The following NRDE2 variants were observed in gnomAD, a reference collection of about 807,000 sequenced individuals.
The protein encoded by NRDE2 is nuclear exosome regulator NRDE2.
NRDE2 carries 76 observed loss-of-function variants against 124.2 expected under a neutral mutation model. The ratio of observed to expected loss-of-function variants is 0.61; its 90% CI spans 0.51 to 0.74. The LOEUF (loss-of-function observed/expected upper bound fraction) is 0.74. Ranked by LOEUF, NRDE2 falls within the 30% of genes least tolerant of loss-of-function variation. The probability of loss-of-function intolerance (pLI) is 0.00; values close to 1 mark genes in which losing one functional copy is unlikely to be tolerated. For synonymous variants in NRDE2, 489 were observed against 528.1 expected, an observed-to-expected ratio of 0.93 and a Z score of 1.01; for missense variants, 1,314 against 1,417.3, an observed-to-expected ratio of 0.93 and a Z score of 1.17.
chr14:90,330,218 T>TAAATAAATAAATAAATAAATAAATAAA (rs1885626272), intron 1 of NRDE2, among the ~76,000 whole-genome samples: 1 of 60,290 alleles, frequency 1.7e-5, no homozygotes. Context: ...AAAAAAAAAA[T>TAAATAAATAAATAAATAAATAAATAAA]AAATAAATAA....
At chr14:90,290,674 C>G (rs1892251205) in intron 9 of NRDE2, 67 bp from the exon 10 acceptor site, 1 of 1,478,594 alleles carries the variant, frequency 6.8e-7, no homozygotes, top group Non-Finnish European at 9.1e-7. Context: ...TCACAATTCT[C>G]TTTATATGCA....
At chr14:90,305,054 A>C (rs1388247710) in intron 4 of NRDE2, among the ~76,000 whole-genome samples, 1 of 152,036 alleles carries the variant, frequency 6.6e-6, no homozygotes, top group Admixed American at 6.6e-5. Context: ...AAAATTGTAC[A>C]TTTTTCTGTA....
intron 12 of NRDE2, 148 bp downstream of exon 12, chr14:90,286,206 G>T: frequency 1.1e-6 from 1 of 877,136 alleles, no homozygotes. Context: ...ATTTCTTAGA[G>T]ATTCACCAAT....
At chr14:90,315,776 T>C (rs1416003604) in intron 3 of NRDE2, among the ~76,000 whole-genome samples, 1 of 151,240 alleles carries the variant, frequency 6.6e-6, no homozygotes, top group Non-Finnish European at 1.5e-5. Context: ...GCCAACATGG[T>C]GAAATGCCAT....
chr14:90,308,920 G>A (rs1884718601), intron 4 of NRDE2, among the ~76,000 whole-genome samples: 1 of 152,064 alleles, frequency 6.6e-6, no homozygotes, highest in African/African-American at 2.4e-5. Flanking sequence ...AAGAAGTGAG[G>A]AGAGTTGCTG....
chr14:90,324,450 C>T (rs1266727941), intron 1 of NRDE2, among the ~76,000 whole-genome samples: 7 of 151,880 alleles, frequency 4.6e-5, no homozygotes, highest in African/African-American at 7.3e-5. Flanking sequence ...CCGAGGTGGG[C>T]GGATCACTTG....
rs1376814086 is a variant in NRDE2, at chr14:90,270,982, C to T, written c.*7354G>A. ...CTGCCCTGAGCCCACGGATCATTGG[C>T]AGTTAGTCCTAGAGAACTAGATGTC... On this transcript the variant is annotated 3_prime_UTR_variant, in exon 14 of 14. Transcript: ENST00000354366. The T allele has an allele frequency of 6.6e-6, 1 of 152,176 alleles. No homozygotes were observed. The highest frequency in any genetic ancestry group is 1.5e-5 in the Non-Finnish European group (1 of 68,046). The allele number at this position is 152,176 out of a possible 1,614,324, so 9.4% of individuals were successfully genotyped here. A position where few individuals can be genotyped will look rare whatever the true frequency, so the allele number is the denominator to read the frequency against.
Position 90,277,592 on chromosome 14 carries a change from A to C in NRDE2, c.*744T>G, listed in dbSNP as rs1390733082. The C allele has an allele frequency of 6.6e-6, 1 of 152,326 alleles. No homozygotes were observed. Among genetic ancestry groups the C allele is most frequent in the Non-Finnish European group, 1.5e-5 (1 of 68,132 alleles). 9.4% of individuals were successfully genotyped at this position (152,326 alleles called of 1,614,324 possible). A position where few individuals can be genotyped will look rare whatever the true frequency, so the allele number is the denominator to read the frequency against. On this transcript the variant is annotated 3_prime_UTR_variant, in exon 14 of 14. Transcript: ENST00000354366. The stretch of plus-strand genomic sequence containing the variant: ...GCTGCACAAGCGTGCCGGGCCCCTC[A>C]TGCAGGCAGGGCTGGGGCTGGCGGT...
chr14:90,269,676 CAA>C lies in NRDE2; in HGVS notation c.*8658_*8659del, dbSNP rs1306811845. The C allele has an allele frequency of 1.9e-6, 2 of 1,062,954 alleles. No individual in the cohort carries two copies. Among genetic ancestry groups the C allele is most frequent in the Non-Finnish European group, 2.7e-6 (2 of 740,388 alleles). The allele number at this position is 1,062,954 out of a possible 1,614,324, so 65.8% of individuals were successfully genotyped here. On this transcript the variant is annotated 3_prime_UTR_variant, in exon 14 of 14. Transcript: ENST00000354366. ...CTGCAGTGAAACTTAGGATAATTTACAAAAAAATAGGTCCTCTTGAGATGAGG... is the reference window on the plus strand; with the variant it reads ...CTGCAGTGAAACTTAGGATAATTTACAAAAATAGGTCCTCTTGAGATGAGG...
intron 4 of NRDE2, among the ~76,000 whole-genome samples, chr14:90,307,082 A>C (rs1211456126): frequency 6.6e-6 from 1 of 152,206 alleles, no homozygotes; most frequent in Non-Finnish European, 1.5e-5. Context: ...ACTGGCCTAT[A>C]TTACTATCTA....
chr14:90,321,217 T>G (rs1885228935), intron 1 of NRDE2, among the ~76,000 whole-genome samples: 1 of 152,144 alleles, frequency 6.6e-6, no homozygotes, highest in Admixed American at 6.6e-5. Context: ...TTCAAAGTCC[T>G]TCAGAAGACA....
chr14:90,318,657 G>A (rs1021932627), intron 1 of NRDE2, among the ~76,000 whole-genome samples: 1 of 151,988 alleles, frequency 6.6e-6, no homozygotes, highest in Non-Finnish European at 1.5e-5. Context: ...AAAATTAGCC[G>A]GGTGTGGTAG....
Position 90,269,893 on chromosome 14 carries a change from T to C in NRDE2, c.*8443A>G, listed in dbSNP as rs898964120. The C allele has an allele frequency of 2.1e-5, 8 of 375,800 alleles. No homozygotes were observed. The highest frequency in any genetic ancestry group is 3.3e-5 in the Non-Finnish European group (7 of 211,194). The allele number at this position is 375,800 out of a possible 1,614,324, so 23.3% of individuals were successfully genotyped here. A position where few individuals can be genotyped will look rare whatever the true frequency, so the allele number is the denominator to read the frequency against. ...AGGTAGCATCAGAAGAAACAGTGAT[T>C]TGTTTGCTGTCTTTTGTAATGTTTT... On this transcript the variant is annotated 3_prime_UTR_variant, in exon 14 of 14. Transcript: ENST00000354366.
chr14:90,310,374 T>C (rs1884782491), intron 4 of NRDE2, among the ~76,000 whole-genome samples: 1 of 152,204 alleles, frequency 6.6e-6, no homozygotes, highest in Non-Finnish European at 1.5e-5. Context: ...CTCTCTGCGA[T>C]TCCTTTTCCT....
rs1041961658 is a variant in NRDE2, at chr14:90,272,723, C to T, written c.*5613G>A. On this transcript the variant is annotated 3_prime_UTR_variant, in exon 14 of 14. Coordinates refer to ENST00000354366, the MANE Select transcript of NRDE2 (RefSeq NM_017970.4). This position sits in a 1 kb window ranked among gnomAD's most constrained non-coding sequence, Gnocchi z 4.5. ...AGCCTTTGGACAGGAACTCAGGCTG[C>T]GGTCCCAAGGAGTGTGGACCTCACT... The T allele has an allele frequency of 9.4e-5, 21 of 224,582 alleles. No homozygotes were observed. The highest frequency in any genetic ancestry group is 1.7e-4 in the Admixed American group (3 of 17,950). The allele number at this position is 224,582 out of a possible 1,614,324, so 13.9% of individuals were successfully genotyped here.
Position 90,278,368 on chromosome 14 carries a change from G to A in NRDE2, c.3463C>T (p.Leu1155=). Residue 1155 remains leucine, a synonymous_variant, in exon 14 of 14, where the codon CTG becomes TTG. Coordinates refer to ENST00000354366, the MANE Select transcript of NRDE2 (RefSeq NM_017970.4). Reference sequence around the variant, plus strand: ...TCCAGCAGCAGCTCCAGCTCCTCCAGCGGCAGGCGCACCCGGAGCTCCTTC... The same window carrying A: ...TCCAGCAGCAGCTCCAGCTCCTCCAACGGCAGGCGCACCCGGAGCTCCTTC... ...TEKELRVRLP[L]EELELLLED 6.2e-7 allele frequency: 1 copy of A among 1,614,084 alleles called. No homozygotes were observed. The highest frequency in any genetic ancestry group is 1.3e-5 in the African/African-American group (1 of 75,048).
intron 2 of NRDE2, among the ~76,000 whole-genome samples, chr14:90,317,408 T>G (rs975663890): frequency 1.3e-5 from 2 of 152,250 alleles, no homozygotes; most frequent in Non-Finnish European, 2.9e-5. Flanking sequence ...TCCTCATTAC[T>G]GAAATATCTA....
At chr14:90,318,792 C>A (rs1885142413) in intron 1 of NRDE2, among the ~76,000 whole-genome samples, 1 of 152,118 alleles carries the variant, frequency 6.6e-6, no homozygotes, top group Non-Finnish European at 1.5e-5. Context: ...GAGTTAGACT[C>A]CATCTCAAAC....
intron 3 of NRDE2, among the ~76,000 whole-genome samples, chr14:90,315,235 G>A (rs1884999527): frequency 6.7e-6 from 1 of 148,514 alleles, no homozygotes; most frequent in African/African-American, 2.5e-5. Flanking sequence ...GCTGGGTGTG[G>A]TGATGCATGC....
Sources: allele counts gnomAD v4.1 joint callset (sites outside exome capture counted in the v4.1 genomes callset), GRCh38; gene constraint gnomAD v4.1.1; non-coding constraint Gnocchi (gnomAD v3.1); transcripts MANE v1.5; gene names NCBI Gene and HGNC (gene_info 2026-07-23, HGNC 2026-07-21).